UBTD1: variants seen among roughly 807,000 people sequenced by gnomAD.
UBTD1 encodes ubiquitin domain containing 1.
In UBTD1, 19 loss-of-function variants were observed where a neutral mutation model predicts 21.7. That is an observed-to-expected ratio of 0.87 (90% CI 0.61 to 1.28). UBTD1 has a LOEUF of 1.28. Among genes scored for constraint, UBTD1 ranks in the 50% most tolerant of loss-of-function variants. UBTD1 has a pLI of 0.00. For missense variants in UBTD1, 282 were observed against 315.1 expected (o/e 0.89, Z 0.80); for synonymous variants, 116 against 135.1 (o/e 0.86, Z 0.98).
At chr10:97,505,838 T>C (rs1293081152) in intron 1 of UBTD1, among the ~76,000 whole-genome samples, 2 of 152,236 alleles carry the variant, frequency 1.3e-5, no homozygotes, top group Non-Finnish European at 2.9e-5. Flanking sequence ...GCTACCAGGA[T>C]TTTTACACAC....
chr10:97,553,993 C>A (rs929234935), intron 1 of UBTD1, among the ~76,000 whole-genome samples: 3 of 152,188 alleles, frequency 2.0e-5, no homozygotes, highest in Non-Finnish European at 4.4e-5. Context: ...GAAGGCTACT[C>A]TGGGGGAGCT....
At chr10:97,509,243 G>A (rs1231489953) in intron 1 of UBTD1, among the ~76,000 whole-genome samples, 2 of 152,244 alleles carry the variant, frequency 1.3e-5, no homozygotes, top group African/African-American at 2.4e-5. Flanking sequence ...AGGATGTTAA[G>A]ATACTCAAGG....
At chr10:97,508,540 C>T (rs1193068901) in intron 1 of UBTD1, among the ~76,000 whole-genome samples, 3 of 152,138 alleles carry the variant, frequency 2.0e-5, no homozygotes, top group African/African-American at 7.2e-5. Flanking sequence ...TGATTCATTC[C>T]AGTGCTCACA....
intron 1 of UBTD1, among the ~76,000 whole-genome samples, chr10:97,505,965 G>A (rs1042889099): frequency 5.9e-5 from 9 of 152,162 alleles, no homozygotes; most frequent in Admixed American, 1.3e-4. Context: ...TTTCTGAAAC[G>A]AATGATATGC....
At chr10:97,554,449 G>C (rs1339125571) in intron 1 of UBTD1, among the ~76,000 whole-genome samples, 3 of 151,960 alleles carry the variant, frequency 2.0e-5, no homozygotes, top group Admixed American at 1.3e-4. Flanking sequence ...GTTTTTCCAT[G>C]TTGACCAGGC....
At chr10:97,518,276 G>T (rs370500522) in intron 1 of UBTD1, among the ~76,000 whole-genome samples, 1 of 152,154 alleles carries the variant, frequency 6.6e-6, no homozygotes, top group Non-Finnish European at 1.5e-5. Flanking sequence ...GAGAACCTGC[G>T]GCTTCCTTCC....
chr10:97,552,494 C>T (rs1185197550), intron 1 of UBTD1, among the ~76,000 whole-genome samples: 1 of 144,014 alleles, frequency 6.9e-6, no homozygotes, highest in East Asian at 2.1e-4. Flanking sequence ...CTCCTCAGTT[C>T]AAGCAATTCT....
intron 1 of UBTD1, among the ~76,000 whole-genome samples, chr10:97,536,556 G>C (rs961295363): frequency 1.3e-5 from 2 of 152,252 alleles, no homozygotes; most frequent in African/African-American, 4.8e-5. Flanking sequence ...TGTCAATGCA[G>C]AATGAAGACC....
intron 1 of UBTD1, among the ~76,000 whole-genome samples, chr10:97,560,946 C>T (rs2040689625): frequency 7.2e-6 from 1 of 138,742 alleles, no homozygotes. Flanking sequence ...CAAAGTATCA[C>T]ACAATCTAAG....
intron 1 of UBTD1, among the ~76,000 whole-genome samples, chr10:97,512,359 C>G (rs530082976): frequency 6.6e-6 from 1 of 152,274 alleles, no homozygotes; most frequent in Admixed American, 6.5e-5. Flanking sequence ...CCCTTCTCCC[C>G]TATACTCTCA....
At chr10:97,541,631 C>T (rs186027413) in intron 1 of UBTD1, among the ~76,000 whole-genome samples, 311 of 152,180 alleles carry the variant, frequency 2.0e-3, no homozygotes, top group Non-Finnish European at 3.4e-3. Context: ...TATTATTGCT[C>T]CCATTTTATG....
At chr10:97,506,261 A>G (rs2040399278) in intron 1 of UBTD1, among the ~76,000 whole-genome samples, 1 of 152,162 alleles carries the variant, frequency 6.6e-6, no homozygotes, top group African/African-American at 2.4e-5. Context: ...AATCCTGTTC[A>G]AGGCTCTGAG....
intron 1 of UBTD1, among the ~76,000 whole-genome samples, chr10:97,545,938 C>T (rs1257457286): frequency 6.6e-6 from 1 of 152,196 alleles, no homozygotes; most frequent in Non-Finnish European, 1.5e-5. Context: ...GCATGTGCCA[C>T]CATGCCTGGC....
At chr10:97,562,402 G>A (rs1317006009) in intron 1 of UBTD1, among the ~76,000 whole-genome samples, 1 of 152,228 alleles carries the variant, frequency 6.6e-6, no homozygotes, top group Non-Finnish European at 1.5e-5. Context: ...AAGAGAGTCA[G>A]CAAAGGGTGG....
intron 1 of UBTD1, among the ~76,000 whole-genome samples, chr10:97,550,905 ATCC>A (rs1235147991): frequency 6.6e-6 from 1 of 152,108 alleles, no homozygotes; most frequent in Non-Finnish European, 1.5e-5. Flanking sequence ...CACCATCATT[ATCC>A]TCCTCCAGCC....
chr10:97,529,602 A>G (rs989679587), intron 1 of UBTD1, among the ~76,000 whole-genome samples: 88 of 152,086 alleles, frequency 5.8e-4, no homozygotes, highest in Non-Finnish European at 1.0e-3. Flanking sequence ...TCTCCACCAA[A>G]AAAAAAACGA....
intron 1 of UBTD1, among the ~76,000 whole-genome samples, chr10:97,516,104 C>CG (rs1329102373): frequency 6.6e-6 from 1 of 152,174 alleles, no homozygotes; most frequent in African/African-American, 2.4e-5. Context: ...GTCAGACCAG[C>CG]GGGGGCCAGG....
rs1481751005 is a variant in UBTD1, at chr10:97,570,161, G to A, written c.322G>A (p.Glu108Lys). 2 of 1,611,174 alleles carry A rather than the reference G, an allele frequency of 1.2e-6. No individual in the cohort carries two copies. The highest frequency in any genetic ancestry group is 2.2e-5 in the South Asian group (2 of 91,032). ...AGGCACCCTCTGTGAATGCTACGAT[G>A]AGCTGGGCAATCGCTACCAGCTGCC... Reference protein sequence around the residue: ...PHGTLCECYDELGNRYQLPIY... With the variant: ...PHGTLCECYDKLGNRYQLPIY... Residue 108 changes from glutamate (E) to lysine (K), a missense_variant, in exon 3 of 3, where the codon GAG becomes AAG. Physicochemically the swap from Glu to Lys is moderately conservative, Grantham distance 56. Coordinates refer to ENST00000370664, the MANE Select transcript of UBTD1 (RefSeq NM_024954.5). The surrounding 1 kb of genome is among the most constrained non-coding windows in gnomAD (Gnocchi z 6.6).
chr10:97,522,977 G>C (rs1589871262), intron 1 of UBTD1, among the ~76,000 whole-genome samples: 1 of 152,132 alleles, frequency 6.6e-6, no homozygotes, highest in Non-Finnish European at 1.5e-5. Flanking sequence ...CTCTTCTGTT[G>C]AGGCATCCCT....
Sources: allele counts gnomAD v4.1 joint callset (sites outside exome capture counted in the v4.1 genomes callset), GRCh38; gene constraint gnomAD v4.1.1; non-coding constraint Gnocchi (gnomAD v3.1); transcripts MANE v1.5; gene names NCBI Gene and HGNC (gene_info 2026-07-23, HGNC 2026-07-21).